Variants in ZNF735 observed in about 807,000 individuals in gnomAD.
ZNF735 encodes the protein putative zinc finger protein 735.
ZNF735 carries 11 observed loss-of-function variants against 13.4 expected under a neutral mutation model. The observed-to-expected ratio is 0.82, with a 90% CI of 0.52 to 1.36. The LOEUF is 1.36. Ranked by LOEUF, ZNF735 falls within the 40% of genes most tolerant of loss-of-function variation. The probability of loss-of-function intolerance (pLI) is 0.00; values close to 1 mark genes in which losing one functional copy is unlikely to be tolerated. For missense variants in ZNF735, 500 were observed against 484.6 expected, an observed-to-expected ratio of 1.03 and a Z score of -0.30; for synonymous variants, 171 against 162.6, an observed-to-expected ratio of 1.05 and a Z score of -0.39.
intron 1 of ZNF735, among the ~76,000 whole-genome samples, chr7:64,207,720 G>A (rs1584211453): frequency 6.6e-6 from 1 of 152,288 alleles, no homozygotes; most frequent in East Asian, 1.9e-4. Flanking sequence ...CAGGCGCGGT[G>A]GCTCACGCCT....
At chr7:64,212,631 A>G (rs1396828926) in intron 1 of ZNF735, among the ~76,000 whole-genome samples, 1 of 151,998 alleles carries the variant, frequency 6.6e-6, no homozygotes, top group Non-Finnish European at 1.5e-5. Context: ...CTTCTCTACT[A>G]AAAATACAAA....
chr7:64,213,176 A>G, exon 2 of ZNF735: 1 of 1,611,878 alleles, frequency 6.2e-7, no homozygotes, highest in Non-Finnish European at 8.5e-7. Flanking sequence ...GAATTTATAT[A>G]GAGATGTGAT....
chr7:64,219,915 G>A (rs1198351410), exon 4 of ZNF735: 7 of 1,613,720 alleles, frequency 4.3e-6, no homozygotes, highest in Non-Finnish European at 5.1e-6. Context: ...CTAACCACAA[G>A]AGAATTCATA....
intron 1 of ZNF735, among the ~76,000 whole-genome samples, chr7:64,208,622 A>G (rs1584212047): frequency 7.1e-6 from 1 of 141,682 alleles, no homozygotes; most frequent in Middle Eastern, 3.6e-3. Context: ...TTATATAGGT[A>G]AAATCATATC....
chr7:64,208,605 A>T (rs1226572408), intron 1 of ZNF735, among the ~76,000 whole-genome samples: 1 of 151,548 alleles, frequency 6.6e-6, no homozygotes, highest in East Asian at 2.0e-4. Context: ...GTACATGTGC[A>T]AGTTTGTTAT....
intron 3 of ZNF735, among the ~76,000 whole-genome samples, 163 bp downstream of exon 3, chr7:64,214,271 A>G (rs1787394194): frequency 6.6e-6 from 1 of 152,074 alleles, no homozygotes; most frequent in Non-Finnish European, 1.5e-5. Context: ...TTTTGCTCTC[A>G]CATTGGGACA....
chr7:64,214,165 G>T (rs879232244), intron 3 of ZNF735, 57 bp downstream of exon 3: 11 of 1,547,706 alleles, frequency 7.1e-6, no homozygotes. Flanking sequence ...AGTCAAGGAG[G>T]TAGCCAGTCT....
At chr7:64,207,216 C>G (rs1787298429) in exon 1 of ZNF735, 1 of 1,614,006 alleles carries the variant, frequency 6.2e-7, no homozygotes, top group African/African-American at 1.3e-5. Context: ...GCTAAAAGAC[C>G]GGGACCCCCT....
At chr7:64,213,111 A>G (rs1330152545) in exon 2 of ZNF735, 1 of 1,613,022 alleles carries the variant, frequency 6.2e-7, no homozygotes. Flanking sequence ...ACATTCAGAG[A>G]CATAGCTATA....
intron 1 of ZNF735, among the ~76,000 whole-genome samples, chr7:64,211,841 G>A (rs1787363389): frequency 6.7e-6 from 1 of 149,834 alleles, no homozygotes; most frequent in South Asian, 2.1e-4. Context: ...ACTCTAGCCT[G>A]GGCGACAGAG....
At chr7:64,209,472 A>G (rs1787332255) in intron 1 of ZNF735, among the ~76,000 whole-genome samples, 1 of 151,654 alleles carries the variant, frequency 6.6e-6, no homozygotes, top group Non-Finnish European at 1.5e-5. Flanking sequence ...GATTACAGGC[A>G]TGTACCACCA....
exon 4 of ZNF735, chr7:64,219,670 C>A: frequency 6.3e-7 from 1 of 1,585,892 alleles, no homozygotes; most frequent in Non-Finnish European, 8.6e-7. Context: ...TCAGATAATT[C>A]ATACTAAGGA....
In ZNF735 at chr7:64,220,018, A is replaced by G. The variant is rs751191340; in HGVS notation, c.967A>G (p.Lys323Glu). The G allele has an allele frequency of 6.2e-6, 10 of 1,612,272 alleles. No homozygotes were observed. The African/African-American group carries it at 1.3e-4, about 22-fold the overall frequency. Reference sequence around the variant, plus strand: ...CCACAAGAGAATTCATACTGGAGAGAAACCCTACACATGTGAAGAATGTGG... The same window carrying G: ...CCACAAGAGAATTCATACTGGAGAGGAACCCTACACATGTGAAGAATGTGG... Residue 323 changes from lysine (K) to glutamate (E), a missense_variant, in exon 4 of 4, where the codon AAA becomes GAA. Transcript: ENST00000429565.
intron 3 of ZNF735, among the ~76,000 whole-genome samples, chr7:64,214,485 G>A (rs923350613): frequency 6.6e-6 from 1 of 151,972 alleles, no homozygotes; most frequent in African/African-American, 2.4e-5. Flanking sequence ...AAAACTTTTT[G>A]CATCATGTCT....
intron 3 of ZNF735, 80 bp from the exon 4 acceptor site, chr7:64,219,234 C>A (rs1787457025): frequency 6.6e-7 from 1 of 1,514,676 alleles, no homozygotes; most frequent in South Asian, 1.4e-5. Context: ...GTACCTTGAA[C>A]AATTTTATAT....
intron 1 of ZNF735, among the ~76,000 whole-genome samples, chr7:64,210,507 A>G (rs980593026): frequency 2.6e-5 from 4 of 152,174 alleles, no homozygotes; most frequent in African/African-American, 9.7e-5. Flanking sequence ...CACTTTGCAT[A>G]AAGCAGGGCC....
intron 3 of ZNF735, among the ~76,000 whole-genome samples, chr7:64,218,056 A>T (rs1465331492): frequency 1.3e-5 from 2 of 151,968 alleles, no homozygotes; most frequent in East Asian, 1.9e-4. Flanking sequence ...ATCTTTTTTC[A>T]TTATATTATT....
intron 1 of ZNF735, among the ~76,000 whole-genome samples, chr7:64,210,406 T>C (rs1787341674): frequency 6.6e-6 from 1 of 152,208 alleles, no homozygotes; most frequent in Non-Finnish European, 1.5e-5. Context: ...CTCTCGCTAA[T>C]GCTAATAATG....
intron 1 of ZNF735, among the ~76,000 whole-genome samples, chr7:64,208,333 T>C (rs922507381): frequency 3.5e-5 from 5 of 144,504 alleles, no homozygotes; most frequent in African/African-American, 1.3e-4. Context: ...TCTCACCTCT[T>C]TACAACCTCT....
Sources: gnomAD v4.1 joint callset for allele counts (sites outside exome capture counted in the v4.1 genomes callset) on GRCh38, gnomAD v4.1.1 for gene constraint, MANE v1.5 for transcripts, NCBI Gene and HGNC (gene_info 2026-07-23, HGNC 2026-07-21) for gene names.